NLRP9: variants seen among roughly 807,000 people sequenced by gnomAD.
NLRP9 encodes NACHT, LRR and PYD domains-containing protein 9.
Under a neutral mutation model 83.1 loss-of-function variants are expected in NLRP9, and 88 were observed. The ratio of observed to expected loss-of-function variants is 1.06; its 90% CI spans 0.89 to 1.26. NLRP9 has a LOEUF of 1.26. NLRP9 is among the 50% of genes most tolerant of loss of function. The probability of loss-of-function intolerance (pLI) is 0.00; values close to 1 mark genes in which losing one functional copy is unlikely to be tolerated. For missense variants in NLRP9, 1,308 were observed against 1,179.3 expected (o/e 1.11, Z -1.60); for synonymous variants, 521 against 447.6 (o/e 1.16, Z -2.07).
intron 8 of NLRP9, among the ~76,000 whole-genome samples, chr19:55,710,534 G>A (rs918542820): frequency 2.0e-5 from 3 of 152,098 alleles, no homozygotes; most frequent in Non-Finnish European, 4.4e-5. Flanking sequence ...CATGGGGGTG[G>A]ATCCTTCGTG....
rs1253824584 is a variant in NLRP9, at chr19:55,732,422, A to G, written c.1409T>C (p.Ile470Thr). 3.1e-6 allele frequency: 5 copies of G among 1,614,216 alleles called. No homozygotes were observed. The highest frequency in any genetic ancestry group is 2.2e-5 in the East Asian group (1 of 44,882). Residue 470 changes from isoleucine (I) to threonine (T), a missense_variant, in exon 2 of 9, where the codon ATT (isoleucine) becomes ACT (threonine). Transcript: ENST00000332836. ...KRPKDDPNPA[I>T]GSITQLVRAS... The stretch of plus-strand genomic sequence containing the variant: ...TCTTACAAGCTGGGTTATGCTTCCA[A>G]TGGCCGGGTTAGGATCGTCTTTGGG...
In NLRP9 at chr19:55,733,427, A is replaced by C. The variant is rs768809570; in HGVS notation, c.404T>G (p.Leu135Trp). The stretch of plus-strand genomic sequence containing the variant: ...AGCCGCAGCAGTATATGCGTCATTC[A>C]ATTCTTTATACTCATTTTTCATGGT... The part of the protein sequence containing the change: ...KETMKNEYKE[L>W]NDAYTAAARR... Residue 135 changes from leucine to tryptophan, a missense_variant, in exon 2 of 9, where the codon TTG becomes TGG. Physicochemically the swap from Leu to Trp is moderately conservative, Grantham distance 61 (BLOSUM62 -2). Transcript: ENST00000332836. 1 of 1,613,968 alleles carries C rather than the reference A, an allele frequency of 6.2e-7. No homozygotes were observed. Among genetic ancestry groups the C allele is most frequent in the Admixed American group, 1.7e-5 (1 of 60,008 alleles).
Position 55,729,044 on chromosome 19 carries a change from CTTTTTCTTTTTTTTT to C in NLRP9, c.1994+772_1994+786del, listed in dbSNP as rs1442562789. ...CTACCATTATGCTTATCTTATTTTT[CTTTTTCTTTTTTTTT>C]TTTTTTTTTTTTTTACAAATTTAAG... On this transcript the variant is annotated intron_variant, in intron 3 of 8. Coordinates refer to ENST00000332836, the MANE Select transcript of NLRP9 (RefSeq NM_176820.4). Among the ~76,000 whole-genome samples the C allele has an allele frequency of 1.1e-4, 11 of 98,236 alleles. No individual in the cohort carries two copies. The Admixed American group carries it at 1.3e-3, about 11-fold the overall frequency. The allele number at this position is 98,236 out of a possible 152,430, so 64.4% of individuals were successfully genotyped here. A position where few individuals can be genotyped will look rare whatever the true frequency, so the allele number is the denominator to read the frequency against.
chr19:55,734,049 A>T (rs1426101637), intron 1 of NLRP9, among the ~76,000 whole-genome samples: 1 of 149,900 alleles, frequency 6.7e-6, no homozygotes, highest in Non-Finnish European at 1.5e-5. Context: ...CAGCCTCCCG[A>T]GTAGCTGGGG....
In NLRP9 at chr19:55,708,871, A is replaced by C. The variant is rs1446011906; in HGVS notation, c.*41T>G. 6.8e-7 allele frequency: 1 copy of C among 1,469,784 alleles called. No homozygotes were observed. Among genetic ancestry groups the C allele is most frequent in the East Asian group, 2.6e-5 (1 of 38,812 alleles). 91.0% of individuals were successfully genotyped at this position (1,469,784 alleles called of 1,614,324 possible). On this transcript the variant is annotated 3_prime_UTR_variant, in exon 9 of 9. Transcript: ENST00000332836. ...CCAGGTGAAGGTCCCACTGTGGCCA[A>C]GGAAAGCCTTTGTGAGACGACTACT...
Position 55,722,554 on chromosome 19 carries a change from CAGT to C in NLRP9, c.2159+1423_2159+1425del, listed in dbSNP as rs1218861385. Among the ~76,000 whole-genome samples, 6 of 152,274 alleles carry C rather than the reference CAGT, an allele frequency of 3.9e-5. No homozygotes were observed. The East Asian group carries it at 1.2e-3, about 29-fold the overall frequency. ...TTTGACGGTTACTGCAAAGACAAGACAGTGAACTGGGAGAGAGAAGAGCATATT... is the reference window on the plus strand; with the variant it reads ...TTTGACGGTTACTGCAAAGACAAGACGAACTGGGAGAGAGAAGAGCATATT... On this transcript the variant is annotated intron_variant, in intron 4 of 8. Transcript: ENST00000332836.
Position 55,712,430 on chromosome 19 carries a change from CT to C in NLRP9, c.2661del (p.Glu888SerfsTer28). 1 of 1,612,332 alleles carries C rather than the reference CT, an allele frequency of 6.2e-7. No individual in the cohort carries two copies. Among genetic ancestry groups the C allele is most frequent in the South Asian group, 1.1e-5 (1 of 91,052 alleles). ...CAALQHPHCK[L>X]ECLGLQTCPI... is the part of the protein sequence containing the mutation. ...TCAGTAGATACTCACCCGAGACACT[CT>C]AATTTACAGTGAGGATGCTGCAAAG... is the stretch of plus-strand genomic sequence containing the variant. On this transcript the variant is annotated frameshift_variant, in exon 7 of 9. Transcript: ENST00000332836. LOFTEE classifies it high-confidence loss of function.
intron 3 of NLRP9, among the ~76,000 whole-genome samples, chr19:55,727,191 G>A (rs1988428309): frequency 6.6e-6 from 1 of 152,200 alleles, no homozygotes; most frequent in Admixed American, 6.5e-5. Context: ...GGCGGAGGTT[G>A]CAGTGAGCTG....
chr19:55,730,032 C>G, intron 2 of NLRP9, 40 bp from the exon 3 acceptor site: 1 of 1,577,726 alleles, frequency 6.3e-7, no homozygotes, highest in Non-Finnish European at 8.7e-7. Context: ...AGTGGCTAAA[C>G]TCAATTCAAG....
At chr19:55,729,606 G>A (rs531714664) in intron 3 of NLRP9, among the ~76,000 whole-genome samples, 10 of 152,258 alleles carry the variant, frequency 6.6e-5, no homozygotes, top group Admixed American at 4.6e-4. Flanking sequence ...TGGTGTATAT[G>A]TGCCACATTT....
Position 55,715,060 on chromosome 19 carries a change from C to G in NLRP9, c.2496G>C (p.Glu832Asp), listed in dbSNP as rs777533333. The change falls in exon 6 of 9, where the codon GAG becomes GAC. Residue 832 changes from glutamate to aspartate, a missense_variant. By Grantham distance (45) the Glu-to-Asp change is conservative (BLOSUM62 2). Transcript: ENST00000332836. ...CAAATCATGGCCGGTCCTACCACAG[C>G]TCCCGTATGCTGCAGCCTGGGTGCT... ...ALKHPGCSIR[E>D]LWLMGCFLTS... 6.2e-7 allele frequency: 1 copy of G among 1,607,874 alleles called. No individual in the cohort carries two copies. Among genetic ancestry groups the G allele is most frequent in the Non-Finnish European group, 8.5e-7 (1 of 1,177,682 alleles).
intron 8 of NLRP9, chr19:55,711,525 C>G: frequency 7.9e-7 from 1 of 1,264,332 alleles, no homozygotes; most frequent in Non-Finnish European, 1.1e-6. Context: ...GCAACTGTGT[C>G]TCCGAGGGAC....
rs753897003 is a variant in NLRP9 at position 55,732,980 on chromosome 19, T to C, written c.851A>G (p.Tyr284Cys). The C allele has an allele frequency of 3.7e-6, 6 of 1,613,994 alleles. No individual in the cohort carries two copies. The Admixed American group carries it at 5.0e-5, about 13-fold the overall frequency. Residue 284 changes from tyrosine to cysteine, a missense_variant, in exon 2 of 9, where the codon TAT becomes TGT. Tyr to Cys is a radical substitution (Grantham distance 194). Transcript: ENST00000332836. ...GAGTTTTGGATGCCGCAACATAAAA[T>C]AGTGTTTTTGCATAGCCAGTTTTCC... ...ALGKLAMQKH[Y>C]FMLRHPKLIK... is the part of the protein sequence containing the mutation.
intron 8 of NLRP9, chr19:55,709,994 G>T (rs1987643671): frequency 6.6e-6 from 1 of 152,162 alleles, no homozygotes; most frequent in Non-Finnish European, 1.5e-5. Context: ...ATTATAAAAA[G>T]AAGTTGAGGA....
intron 4 of NLRP9, 52 bp from the exon 5 acceptor site, chr19:55,716,950 GAAAC>G (rs1568595900): frequency 6.7e-7 from 1 of 1,494,034 alleles, no homozygotes; most frequent in Non-Finnish European, 9.3e-7. Context: ...AATCGCTCAT[GAAAC>G]ATTATCCACA....
At chr19:55,729,002 ACT>A (rs990766390) in intron 3 of NLRP9, among the ~76,000 whole-genome samples, 4 of 144,298 alleles carry the variant, frequency 2.8e-5, no homozygotes, top group Non-Finnish European at 6.1e-5. Flanking sequence ...GCACATCAGC[ACT>A]CTGTTTTATG....
At position 55,724,075 on chromosome 19, in the gene NLRP9, T is replaced by G. The variant is rs1199443679; in HGVS notation, c.2064A>C (p.Lys688Asn). 3.7e-6 allele frequency: 6 copies of G among 1,613,590 alleles called. No individual in the cohort carries two copies. The highest frequency in any genetic ancestry group is 5.1e-6 in the Non-Finnish European group (6 of 1,179,682). Residue 688 changes from lysine to asparagine, a missense_variant, in exon 4 of 9, where the codon AAA becomes AAC. By Grantham distance (94) the Lys-to-Asn change is moderately conservative. Transcript: ENST00000332836. ...GGCTAGTGCCGTACAGGCTCAGAAG[T>G]TTCAGATGAGGGTTGTGAAGAACTG... ...FKAVLHNPHL[K>N]LLSLYGTSLS...
At chr19:55,733,691 A>T in intron 1 of NLRP9, 141 bp from the exon 2 acceptor site, 1 of 600,890 alleles carries the variant, frequency 1.7e-6, no homozygotes. Context: ...AACCTGAGAG[A>T]CTGGTTCACG....
chr19:55,732,978 A>G lies in NLRP9; in HGVS notation c.853T>C (p.Phe285Leu). ...LGKLAMQKHY[F>L]MLRHPKLIKL... ...ATGAGTTTTGGATGCCGCAACATAA[A>G]ATAGTGTTTTTGCATAGCCAGTTTT... Residue 285 changes from phenylalanine to leucine, a missense_variant, in exon 2 of 9, where the codon TTT (phenylalanine) becomes CTT (leucine). Coordinates refer to ENST00000332836, the MANE Select transcript of NLRP9 (RefSeq NM_176820.4). 6.2e-7 allele frequency: 1 copy of G among 1,614,148 alleles called. No individual in the cohort carries two copies. The highest frequency in any genetic ancestry group is 8.5e-7 in the Non-Finnish European group (1 of 1,179,980).
Sources: gnomAD v4.1 joint callset for allele counts (sites outside exome capture counted in the v4.1 genomes callset) on GRCh38, gnomAD v4.1.1 for gene constraint, MANE v1.5 for transcripts, NCBI Gene and HGNC (gene_info 2026-07-23, HGNC 2026-07-21) for gene names.